PDE4D: variants seen among roughly 807,000 people sequenced by gnomAD.
PDE4D encodes the protein phosphodiesterase 4D.
Under a neutral mutation model 87.4 loss-of-function variants are expected in PDE4D, and 24 were observed. The observed-to-expected ratio is 0.27, with a 90% confidence interval of 0.20 to 0.39. PDE4D has a LOEUF of 0.39. Among genes scored for constraint, PDE4D ranks in the 10% least tolerant of loss-of-function variants. PDE4D has a pLI of 1.00. For synonymous variants in PDE4D, 384 were observed against 383.2 expected, an observed-to-expected ratio of 1.00 and a Z score of -0.02; for missense variants, 714 against 1,041.0, an observed-to-expected ratio of 0.69 and a Z score of 4.32.
At chr5:60,200,382 C>T (rs913668978) in intron 1 of PDE4D, among the ~76,000 whole-genome samples, 4 of 151,472 alleles carry the variant, frequency 2.6e-5, no homozygotes, top group Non-Finnish European at 5.9e-5. Context: ...AGGAGAAAAA[C>T]AGTTCTGATA....
intron 2 of PDE4D, among the ~76,000 whole-genome samples, chr5:60,063,203 G>A (rs1249382320): frequency 6.8e-6 from 1 of 147,970 alleles, no homozygotes; most frequent in Non-Finnish European, 1.5e-5. Context: ...AAAGAATTTG[G>A]TAATTGGGGA....
At chr5:59,558,270 T>C (rs1482650327) in intron 1 of PDE4D, among the ~76,000 whole-genome samples, 1 of 151,996 alleles carries the variant, frequency 6.6e-6, no homozygotes, top group African/African-American at 2.4e-5. Flanking sequence ...TATCAGAAAA[T>C]GACAAGGACA....
Position 59,586,448 on chromosome 5 carries a change from C to T in PDE4D, c.455+306720G>A, listed in dbSNP as rs574790797. On this transcript the variant is annotated intron_variant, in intron 1 of 14. Transcript: ENST00000340635. ...ATGTAGTGATTTTTACAGATGAATT[C>T]CAACTCTCTTGTTTGAGCAGCTATC... 319 of 1,564,970 alleles carry T rather than the reference C, an allele frequency of 2.0e-4. 1 individual carries two copies. The Middle Eastern group carries it at 8.2e-3, about 40-fold the overall frequency.
In PDE4D at chr5:60,256,746, G is replaced by T. The variant is rs1157759225; in HGVS notation, c.-89-71059C>A. Among the ~76,000 whole-genome samples, 8 of 151,912 alleles carry T rather than the reference G, an allele frequency of 5.3e-5. No homozygotes were observed. In the Admixed American group the frequency reaches 5.3e-4, roughly 10 times the overall value. On this transcript the variant is annotated intron_variant, in intron 1 of 16. Coordinates refer to the PDE4D transcript ENST00000502484. ...GGAGACAGAACTGAAGAAGAAAATT[G>T]AGGAGGCAAATGTCGAAAGAAGTAA...
rs374119450 is a variant in PDE4D at position 59,669,101 on chromosome 5, T to C, written c.455+224067A>G. ...ATGATCAGATGGCTAGTTCCCTTTA[T>C]TCTTTATTTTTGAGATGGAGTTTCG... is the stretch of plus-strand genomic sequence containing the variant. On this transcript the variant is annotated intron_variant, in intron 1 of 14. Transcript: ENST00000340635. Among the ~76,000 whole-genome samples the C allele has an allele frequency of 8.5e-5, 13 of 152,280 alleles. No individual in the cohort carries two copies. The East Asian group carries it at 2.1e-3, about 25-fold the overall frequency.
intron 1 of PDE4D, among the ~76,000 whole-genome samples, chr5:60,483,869 G>A (rs1180874858): frequency 6.6e-6 from 1 of 152,122 alleles, no homozygotes; most frequent in Non-Finnish European, 1.5e-5. Flanking sequence ...GGGTTCAACA[G>A]GTGAAATGGG....
chr5:59,554,442 T>C (rs1818585619), intron 1 of PDE4D, among the ~76,000 whole-genome samples: 1 of 152,160 alleles, frequency 6.6e-6, no homozygotes. Flanking sequence ...ACACCCAGAC[T>C]ATTTAACTCT....
chr5:59,808,039 T>C (rs1038695592), intron 1 of PDE4D, among the ~76,000 whole-genome samples: 2 of 152,230 alleles, frequency 1.3e-5, no homozygotes, highest in Non-Finnish European at 2.9e-5. Flanking sequence ...TTTTAAATGC[T>C]GAGTCCATGT....
chr5:59,122,141 C>CAAAAAAAAAAAAA (rs56284898), intron 5 of PDE4D, among the ~76,000 whole-genome samples: 11 of 71,590 alleles, frequency 1.5e-4, no homozygotes, highest in East Asian at 1.1e-3. Context: ...GACTCTATCT[C>CAAAAAAAAAAAAA]AAAAAAAAAA....
chr5:59,507,938 T>A (rs1253775833), intron 1 of PDE4D, among the ~76,000 whole-genome samples: 1 of 152,154 alleles, frequency 6.6e-6, no homozygotes, highest in Non-Finnish European at 1.5e-5. Flanking sequence ...TACCACATTT[T>A]ACATTTAGGT....
At position 60,071,551 on chromosome 5, in the gene PDE4D, C is replaced by A. The variant is rs557850079; in HGVS notation, c.43-82834G>T. ...AGATTTAGCCATCTGGGCAAAAAAT[C>A]TTTTTCCATTGGCCAGTAAAACAAT... On this transcript the variant is annotated intron_variant, in intron 2 of 16. Transcript: ENST00000502484. Among the ~76,000 whole-genome samples, 15 of 152,198 alleles carry A rather than the reference C, an allele frequency of 9.9e-5. 1 individual carries two copies. Among genetic ancestry groups the A allele is most frequent in the Middle Eastern group, 6.8e-3 (2 of 294 alleles).
chr5:59,039,257 C>A, intron 5 of PDE4D: 3 of 1,200,176 alleles, frequency 2.5e-6, no homozygotes, highest in Non-Finnish European at 3.1e-6. Flanking sequence ...CACAGCGACG[C>A]GAGCGGAAAA....
chr5:60,436,897 T>C (rs566342242), intron 1 of PDE4D, among the ~76,000 whole-genome samples: 3 of 152,050 alleles, frequency 2.0e-5, no homozygotes, highest in African/African-American at 4.8e-5. Flanking sequence ...TCCCTTTACC[T>C]AAAGGGAGCA....
chr5:60,039,237 C>A (rs1444754717), intron 2 of PDE4D, among the ~76,000 whole-genome samples: 8 of 152,128 alleles, frequency 5.3e-5, no homozygotes, highest in African/African-American at 1.9e-4. Context: ...CACATATACA[C>A]CATGCAATAC....
intron 5 of PDE4D, among the ~76,000 whole-genome samples, chr5:59,131,145 C>A (rs1776198268): frequency 6.6e-6 from 1 of 152,084 alleles, no homozygotes; most frequent in Non-Finnish European, 1.5e-5. Flanking sequence ...AGGGGGAGTC[C>A]TTTTTAGGTC....
chr5:59,486,211 G>T (rs1805119298), intron 1 of PDE4D, among the ~76,000 whole-genome samples: 1 of 151,798 alleles, frequency 6.6e-6, no homozygotes, highest in Non-Finnish European at 1.5e-5. Context: ...GGCACCTCTG[G>T]GCTTCTGAAA....
chr5:59,047,314 A>T (rs1580506063), intron 5 of PDE4D, among the ~76,000 whole-genome samples: 2 of 152,242 alleles, frequency 1.3e-5, no homozygotes, highest in East Asian at 3.8e-4. Context: ...CATTCTGAAG[A>T]AGTTCACTTA....
At chr5:59,486,415 A>G (rs909663523) in intron 1 of PDE4D, among the ~76,000 whole-genome samples, 11 of 152,200 alleles carry the variant, frequency 7.2e-5, no homozygotes, top group Admixed American at 6.5e-4. Context: ...CTGCTCTAAC[A>G]GCAACAAACT....
intron 1 of PDE4D, among the ~76,000 whole-genome samples, chr5:59,373,482 A>G (rs1276865085): frequency 6.6e-6 from 1 of 152,258 alleles, no homozygotes; most frequent in African/African-American, 2.4e-5. Context: ...AGACAAGAAT[A>G]GAGAAAACAG....
Sources: allele counts gnomAD v4.1 joint callset (sites outside exome capture counted in the v4.1 genomes callset), GRCh38; gene constraint gnomAD v4.1.1; transcripts MANE v1.5; gene names NCBI Gene and HGNC (gene_info 2026-07-23, HGNC 2026-07-21).